SMARCA4: variants seen among roughly 807,000 people sequenced by gnomAD.
SMARCA4 encodes the protein SWI/SNF related BAF chromatin remodeling complex subunit ATPase 4.
SMARCA4 carries 31 observed loss-of-function variants against 193.9 expected under a neutral mutation model. The ratio of observed to expected loss-of-function variants is 0.16; its 90% CI spans 0.12 to 0.22. The LOEUF (loss-of-function observed/expected upper bound fraction) is 0.22. SMARCA4 is among the 10% of genes least tolerant of loss of function. SMARCA4 has a pLI of 1.00. For missense variants in SMARCA4, 1,148 were observed against 2,296.0 expected (o/e 0.50, Z 10.22); for synonymous variants, 942 against 933.1 (o/e 1.01, Z -0.17).
At chr19:11,043,458 C>G (rs2075733024) in intron 30 of SMARCA4, among the ~76,000 whole-genome samples, 1 of 152,104 alleles carries the variant, frequency 6.6e-6, no homozygotes. Flanking sequence ...GCTAAGTCCT[C>G]AAAGAGGAAA....
At chr19:11,012,511 T>C (rs1404067206) in intron 15 of SMARCA4, 1 of 258,616 alleles carries the variant, frequency 3.9e-6, no homozygotes, top group Non-Finnish European at 7.7e-6. Flanking sequence ...GCTCCCAGGC[T>C]TTGGAAATCC....
intron 15 of SMARCA4, chr19:11,012,505 C>T (rs1281169804): frequency 3.9e-6 from 1 of 254,158 alleles, no homozygotes; most frequent in Non-Finnish European, 7.8e-6. Context: ...CAGAAAGCTC[C>T]CAGGCTTTGG....
intron 6 of SMARCA4, 145 bp downstream of exon 6, chr19:10,988,069 C>T: frequency 1.3e-6 from 1 of 747,978 alleles, no homozygotes; most frequent in Non-Finnish European, 2.2e-6. Flanking sequence ...TCCTCACCTC[C>T]CTGCTCCCAC....
rs754232348 is a variant in SMARCA4, at chr19:11,013,011, C to T, written c.2337C>T (p.Asp779=). 13 of 1,614,104 alleles carry T rather than the reference C, an allele frequency of 8.1e-6. No homozygotes were observed. Among genetic ancestry groups the T allele is most frequent in the Middle Eastern group, 1.6e-4 (1 of 6,062 alleles). ...YNNNLNGILA[D]EMGLGKTIQT... ...ACAACCTGAACGGCATCCTGGCCGA[C>T]GAGATGGGCCTGGGGAAGACCATCC... Residue 779 remains aspartate, a synonymous_variant, in exon 16 of 35, where the codon GAC becomes GAT. Transcript: ENST00000344626.
Position 11,019,275 on chromosome 19 carries a change from C to T in SMARCA4, c.2505+252C>T, listed in dbSNP as rs111681736. 1.0e-3 allele frequency: 640 copies of T among 613,960 alleles called. 9 individuals carry two copies. The highest frequency in any genetic ancestry group is 9.1e-3 in the African/African-American group (499 of 54,660). The allele number at this position is 613,960 out of a possible 1,614,324, so 38.0% of individuals were successfully genotyped here. A position where few individuals can be genotyped will look rare whatever the true frequency, so the allele number is the denominator to read the frequency against. ...GCCAGCACTCAGAGGCCAGCTCAGG[C>T]GCCTGAGATGGGGACCCAGGAAGAG... On this transcript the variant is annotated intron_variant, in intron 17 of 34. Transcript: ENST00000344626. This position sits in a 1 kb window ranked among gnomAD's most constrained non-coding sequence, Gnocchi z 6.1.
chr19:11,041,642 C>G lies in SMARCA4; in HGVS notation c.4424+82C>G, dbSNP rs968498314. 7.7e-7 allele frequency: 1 copy of G among 1,297,242 alleles called. No individual in the cohort carries two copies. The highest frequency in any genetic ancestry group is 1.1e-6 in the Non-Finnish European group (1 of 915,386). The allele number at this position is 1,297,242 out of a possible 1,614,324, so 80.4% of individuals were successfully genotyped here. On this transcript the variant is annotated intron_variant, in intron 30 of 34. Coordinates refer to ENST00000344626, the MANE Select transcript of SMARCA4 (RefSeq NM_003072.5). The surrounding 1 kb of genome is among the most constrained non-coding windows in gnomAD (Gnocchi z 5.6). Reference sequence around the variant, plus strand: ...GGCATCTGCACTCTGACTCTGCACACTCAGGCTTGGGCCGCTCACTCTTTC... The same window carrying G: ...GGCATCTGCACTCTGACTCTGCACAGTCAGGCTTGGGCCGCTCACTCTTTC...
intron 21 of SMARCA4, 23 bp downstream of exon 21, chr19:11,024,461 T>C (rs773525467): frequency 6.7e-7 from 1 of 1,489,514 alleles, no homozygotes; most frequent in Non-Finnish European, 9.4e-7. Flanking sequence ...GTCCCCCAAC[T>C]GCATTCCCCA....
chr19:10,979,935 G>T (rs901545619), intron 1 of SMARCA4, among the ~76,000 whole-genome samples: 1 of 152,160 alleles, frequency 6.6e-6, no homozygotes, highest in African/African-American at 2.4e-5. Flanking sequence ...TGCGATCAGG[G>T]CATGTACAAG....
chr19:11,048,041 G>T (rs571783788), intron 30 of SMARCA4, among the ~76,000 whole-genome samples: 4 of 151,982 alleles, frequency 2.6e-5, no homozygotes, highest in Non-Finnish European at 5.9e-5. Flanking sequence ...AAGCTTCCTC[G>T]CCACCGACTG....
At chr19:10,983,854 G>GCAGGAGC in intron 1 of SMARCA4, 3 of 540,838 alleles carry the variant, frequency 5.5e-6, no homozygotes, top group Non-Finnish European at 1.0e-5. Context: ...CAGGAATATG[G>GCAGGAGC]CAGGAGCCCC....
chr19:10,964,966 T>A (rs544956204), intron 1 of SMARCA4, among the ~76,000 whole-genome samples: 1 of 152,150 alleles, frequency 6.6e-6, no homozygotes, highest in East Asian at 1.9e-4. Context: ...GGCCTAGGGT[T>A]ATTTTCTTTC....
intron 1 of SMARCA4, among the ~76,000 whole-genome samples, chr19:10,962,886 C>T (rs1371555507): frequency 6.6e-6 from 1 of 152,106 alleles, no homozygotes; most frequent in Non-Finnish European, 1.5e-5. Flanking sequence ...GCCATTGTTC[C>T]CCTCAGCTAC....
At chr19:11,021,580 G>A (rs570945355) in intron 18 of SMARCA4, 145 bp from the exon 19 acceptor site, 2 of 1,023,384 alleles carry the variant, frequency 2.0e-6, no homozygotes, top group Admixed American at 2.0e-5. Flanking sequence ...CAGCCCCGGG[G>A]CAGGACGTCA....
intron 32 of SMARCA4, chr19:11,059,278 C>A: frequency 3.3e-6 from 1 of 305,932 alleles, no homozygotes. Flanking sequence ...ACATTCTCTT[C>A]AAAGGAATCC....
chr19:11,002,799 CAAA>C (rs747143883), intron 11 of SMARCA4, among the ~76,000 whole-genome samples: 15 of 83,694 alleles, frequency 1.8e-4, no homozygotes, highest in East Asian at 3.7e-4. Context: ...GACTCCGTCT[CAAA>C]AAAAAAAAAA....
chr19:10,972,916 C>T (rs1286270873), intron 1 of SMARCA4, among the ~76,000 whole-genome samples: 1 of 152,180 alleles, frequency 6.6e-6, no homozygotes, highest in Non-Finnish European at 1.5e-5. Flanking sequence ...TGAGACTAGC[C>T]TGGCCAACAT....
rs2090184575 is a variant in SMARCA4, at chr19:11,025,489, A to G, written c.3149A>G (p.Tyr1050Cys). The part of the protein sequence containing the change: ...MQLRKICNHP[Y>C]MFQHIEESFS... ...CTGCGGAAGATCTGCAACCACCCCT[A>G]CATGTTCCAGCACATCGAGGTGAGC... Residue 1050 changes from tyrosine (Y) to cysteine (C), a missense_variant, in exon 22 of 35, where the codon TAC becomes TGC. Transcript: ENST00000344626. The G allele has an allele frequency of 6.2e-7, 1 of 1,612,776 alleles. No individual in the cohort carries two copies.
In SMARCA4 at chr19:11,026,810, A is replaced by G. The variant is rs113750946; in HGVS notation, c.3215+464A>G. On this transcript the variant is annotated intron_variant, in intron 23 of 34. Coordinates refer to ENST00000344626, the MANE Select transcript of SMARCA4 (RefSeq NM_003072.5). ...CACCGCGCCCGGCCCCATTATACAAATCTTTAGTGCTTGGAGAGCTGACCA... is the reference window on the plus strand; with the variant it reads ...CACCGCGCCCGGCCCCATTATACAAGTCTTTAGTGCTTGGAGAGCTGACCA... Among the ~76,000 whole-genome samples, 1,416 of 152,234 alleles carry G rather than the reference A, an allele frequency of 9.3e-3. 23 individuals are homozygous for G. The highest frequency in any genetic ancestry group is 0.033 in the African/African-American group (1,353 of 41,538).
chr19:10,979,695 T>C (rs2085411428), intron 1 of SMARCA4, among the ~76,000 whole-genome samples: 1 of 149,974 alleles, frequency 6.7e-6, no homozygotes, highest in African/African-American at 2.4e-5. Flanking sequence ...ACATATATTA[T>C]ATGTTATAAG....
Sources: allele counts gnomAD v4.1 joint callset (sites outside exome capture counted in the v4.1 genomes callset), GRCh38; gene constraint gnomAD v4.1.1; non-coding constraint Gnocchi (gnomAD v3.1); transcripts MANE v1.5; gene names NCBI Gene and HGNC (gene_info 2026-07-23, HGNC 2026-07-21).